ASAH2: variants seen among roughly 807,000 people sequenced by gnomAD.
ASAH2 encodes neutral ceramidase.
In ASAH2, 58 loss-of-function variants were observed where a neutral mutation model predicts 82.9. The observed-to-expected ratio is 0.70, with a 90% confidence interval of 0.57 to 0.87. The LOEUF (loss-of-function observed/expected upper bound fraction) is 0.87, where lower values mean the gene tolerates loss of function less well. Among genes scored for constraint, ASAH2 ranks in the 40% least tolerant of loss-of-function variants. The pLI, the probability that ASAH2 is intolerant of heterozygous loss-of-function variation, is 0.00. For missense variants in ASAH2, 779 were observed against 834.0 expected (o/e 0.93, Z 0.81); for synonymous variants, 276 against 289.7 (o/e 0.95, Z 0.48).
intron 7 of ASAH2, among the ~76,000 whole-genome samples, chr10:50,225,047 C>T (rs1235872560): frequency 6.6e-6 from 1 of 152,200 alleles, no homozygotes; most frequent in Non-Finnish European, 1.5e-5. Flanking sequence ...GATGTACGTT[C>T]TCAAGGAATC....
intron 4 of ASAH2, among the ~76,000 whole-genome samples, chr10:50,237,069 T>G (rs2133227297): frequency 6.6e-6 from 1 of 152,294 alleles, no homozygotes; most frequent in African/African-American, 2.4e-5. Flanking sequence ...AGGGGCTCTC[T>G]TTTAGCAGAG....
At chr10:50,236,827 T>C (rs1846172495) in intron 4 of ASAH2, among the ~76,000 whole-genome samples, 1 of 152,188 alleles carries the variant, frequency 6.6e-6, no homozygotes, top group African/African-American at 2.4e-5. Context: ...GACCCTCGTC[T>C]AACTAGAGAA....
At chr10:50,244,087 G>A (rs113736889) in intron 3 of ASAH2, among the ~76,000 whole-genome samples, 3,567 of 152,314 alleles carry the variant, frequency 0.023, 149 homozygotes, top group African/African-American at 0.081. Flanking sequence ...GGGGCTGTCT[G>A]CAAAGAAGCA....
intron 7 of ASAH2, among the ~76,000 whole-genome samples, chr10:50,221,561 G>C (rs1461852911): frequency 6.6e-6 from 1 of 152,054 alleles, no homozygotes; most frequent in African/African-American, 2.4e-5. Flanking sequence ...CTAAGTCCCA[G>C]AGTGGTAACG....
intron 16 of ASAH2, among the ~76,000 whole-genome samples, chr10:50,201,300 C>G (rs1845141922): frequency 6.6e-6 from 1 of 152,072 alleles, no homozygotes; most frequent in Non-Finnish European, 1.5e-5. Context: ...CAAGAGGGCA[C>G]TGAGCTGTTT....
chr10:50,245,002 G>GA (rs11346132), intron 3 of ASAH2, among the ~76,000 whole-genome samples: 6 of 149,548 alleles, frequency 4.0e-5, no homozygotes, highest in Non-Finnish European at 8.9e-5. Flanking sequence ...TTCTGCTCAT[G>GA]AAAAAAAAAG....
rs1485339973 is a variant in ASAH2, at chr10:50,187,957, A to G, written c.2154-453T>C. Among the ~76,000 whole-genome samples the G allele has an allele frequency of 1.3e-4, 3 of 23,682 alleles. 1 individual carries two copies. The highest frequency in any genetic ancestry group is 1.8e-4 in the African/African-American group (3 of 16,228). The allele number at this position is 23,682 out of a possible 152,430, so 15.5% of individuals were successfully genotyped here. On this transcript the variant is annotated intron_variant, in intron 20 of 20. Transcript: ENST00000682911. Reference sequence around the variant, plus strand: ...ATGAATACATGTCAGACTCTCTTCTAGAAGTACTGAGGGTACAGTAAGGAG... The same window carrying G: ...ATGAATACATGTCAGACTCTCTTCTGGAAGTACTGAGGGTACAGTAAGGAG...
intron 1 of ASAH2, among the ~76,000 whole-genome samples, chr10:50,249,168 A>G (rs182964936): frequency 5.1e-4 from 78 of 152,250 alleles, no homozygotes; most frequent in Admixed American, 2.1e-3. Context: ...TTTACACTCT[A>G]TGTTTTAACT....
At chr10:50,209,145 G>A (rs1475107569) in intron 12 of ASAH2, among the ~76,000 whole-genome samples, 1 of 152,034 alleles carries the variant, frequency 6.6e-6, no homozygotes, top group Non-Finnish European at 1.5e-5. Context: ...AACTAAAAAT[G>A]GATCCAAGAC....
At chr10:50,246,050 TTA>T (rs1846447713) in intron 2 of ASAH2, among the ~76,000 whole-genome samples, 1 of 152,198 alleles carries the variant, frequency 6.6e-6, no homozygotes, top group African/African-American at 2.4e-5. Flanking sequence ...ATTCTAGTAT[TTA>T]TATATTCATA....
At position 50,234,544 on chromosome 10, in the gene ASAH2, G is replaced by A; in HGVS notation, c.696C>T (p.Asp232=). 1.2e-6 allele frequency: 2 copies of A among 1,612,830 alleles called. No homozygotes were observed. Among genetic ancestry groups the A allele is most frequent in the South Asian group, 1.1e-5 (1 of 91,068 alleles). Residue 232 remains aspartate, a synonymous_variant, in exon 6 of 21, where the codon GAC becomes GAT. Transcript: ENST00000682911. ...HMVTGILKSI[D]IAHTNMKPGK... ...CTGGTTTCATATTTGTGTGTGCTAT[G>A]TCAATGCTCTGAAGGTTAAAAAAGA...
rs1324066493 is a variant in ASAH2 at position 50,187,116 on chromosome 10, TCTCACACACA to T, written c.*189_*198del. 886 of 228,592 alleles carry T rather than the reference TCTCACACACA, an allele frequency of 3.9e-3. 4 individuals are homozygous for T. Among genetic ancestry groups the T allele is most frequent in the East Asian group, 0.012 (150 of 12,096 alleles). 14.2% of individuals were successfully genotyped at this position (228,592 alleles called of 1,614,324 possible). On this transcript the variant is annotated 3_prime_UTR_variant, in exon 21 of 21. Coordinates refer to ENST00000682911, the MANE Select transcript of ASAH2 (RefSeq NM_019893.4). The stretch of plus-strand genomic sequence containing the variant: ...CTCTCTCTCTCTCTCTCTCTCTCTC[TCTCACACACA>T]CACACACACACACACACACACACAC...
chr10:50,220,928 T>C (rs925331565), intron 7 of ASAH2, among the ~76,000 whole-genome samples: 2 of 151,556 alleles, frequency 1.3e-5, no homozygotes, highest in Non-Finnish European at 2.9e-5. Context: ...ATAAGTTATA[T>C]GGAGATTCAT....
chr10:50,215,974 T>C (rs1589335519), intron 8 of ASAH2, among the ~76,000 whole-genome samples: 1 of 152,146 alleles, frequency 6.6e-6, no homozygotes, highest in African/African-American at 2.4e-5. Context: ...TGGAATACTA[T>C]GCAGCCATAA....
At chr10:50,227,727 T>G (rs1377325699) in intron 7 of ASAH2, among the ~76,000 whole-genome samples, 2 of 152,198 alleles carry the variant, frequency 1.3e-5, no homozygotes, top group Non-Finnish European at 2.9e-5. Flanking sequence ...TCCAGCCAAC[T>G]ATTTTTTTAT....
At chr10:50,203,580 A>G (rs1845217546) in intron 15 of ASAH2, 60 bp downstream of exon 15, 1 of 1,234,856 alleles carries the variant, frequency 8.1e-7, no homozygotes, top group Non-Finnish European at 1.2e-6. Context: ...TAGGGATAGG[A>G]TATACTTTCC....
intron 12 of ASAH2, among the ~76,000 whole-genome samples, chr10:50,209,732 T>G (rs1845402673): frequency 6.6e-6 from 1 of 152,138 alleles, no homozygotes; most frequent in Non-Finnish European, 1.5e-5. Flanking sequence ...GAAAACTACG[T>G]AAATGACATT....
At chr10:50,247,994 C>G (rs1436218) in intron 2 of ASAH2, among the ~76,000 whole-genome samples, 1 of 151,700 alleles carries the variant, frequency 6.6e-6, no homozygotes, top group South Asian at 2.1e-4. Flanking sequence ...CCTCCTTGGT[C>G]CACCTCCTCA....
chr10:50,194,416 T>C (rs1177513340), intron 18 of ASAH2, among the ~76,000 whole-genome samples: 4 of 151,756 alleles, frequency 2.6e-5, no homozygotes, highest in Admixed American at 6.6e-5. Context: ...GAAAAAAAAT[T>C]GCAAAACTCC....
Sources: gnomAD v4.1 joint callset for allele counts (sites outside exome capture counted in the v4.1 genomes callset) on GRCh38, gnomAD v4.1.1 for gene constraint, MANE v1.5 for transcripts, NCBI Gene and HGNC (gene_info 2026-07-23, HGNC 2026-07-21) for gene names.